The following SLC24A3 variants were observed in gnomAD, a reference collection of about 807,000 sequenced individuals.
SLC24A3 encodes the protein solute carrier family 24 member 3, also known as sodium/potassium/calcium exchanger 3.
In SLC24A3, 28 loss-of-function variants were observed where a neutral mutation model predicts 75.8. The observed-to-expected ratio is 0.37, with a 90% CI of 0.27 to 0.51. The LOEUF (loss-of-function observed/expected upper bound fraction) is 0.51. SLC24A3 is among the 20% of genes least tolerant of loss of function. The probability of loss-of-function intolerance (pLI) is 0.94; values close to 1 mark genes in which losing one functional copy is unlikely to be tolerated. For synonymous variants in SLC24A3, 372 were observed against 334.1 expected, an observed-to-expected ratio of 1.11 and a Z score of -1.24; for missense variants, 663 against 847.8, an observed-to-expected ratio of 0.78 and a Z score of 2.71.
At position 19,222,774 on chromosome 20, in the gene SLC24A3, C is replaced by CCCCT. The variant is rs1286175246; in HGVS notation, c.142+9799_142+9802dup. On this transcript the variant is annotated intron_variant, in intron 1 of 16. Coordinates refer to ENST00000328041, the MANE Select transcript of SLC24A3 (RefSeq NM_020689.4). ...TCCTTCTTCCTTCCCTCCTCCCCTT[C>CCCCT]CCCTCCCTCCCTTCCTTCCTTCCTT... Among the ~76,000 whole-genome samples the CCCCT allele has an allele frequency of 1.7e-3, 94 of 56,022 alleles. 3 individuals are homozygous for CCCCT. Among genetic ancestry groups the CCCCT allele is most frequent in the East Asian group, 2.1e-3 (2 of 938 alleles). The allele number at this position is 56,022 out of a possible 152,430, so 36.8% of individuals were successfully genotyped here. A position where few individuals can be genotyped will look rare whatever the true frequency, so the allele number is the denominator to read the frequency against.
intron 2 of SLC24A3, among the ~76,000 whole-genome samples, chr20:19,367,164 A>G (rs138133723): frequency 0.011 from 1,752 of 152,386 alleles, 35 homozygotes; most frequent in African/African-American, 0.04. Context: ...AAATGGCCAC[A>G]TGTAGCTAGT....
At chr20:19,631,715 C>T (rs971152937) in intron 6 of SLC24A3, among the ~76,000 whole-genome samples, 1 of 152,004 alleles carries the variant, frequency 6.6e-6, no homozygotes, top group African/African-American at 2.4e-5. Context: ...TTATCACTTT[C>T]TCTCCCTAGT....
intron 10 of SLC24A3, 32 bp from the exon 11 acceptor site, chr20:19,684,144 G>A (rs754151535): frequency 6.2e-7 from 1 of 1,600,840 alleles, no homozygotes; most frequent in Non-Finnish European, 8.5e-7. Flanking sequence ...TGGCCTCCAT[G>A]TTATTTTACC....
At chr20:19,379,267 G>A (rs1271502507) in intron 2 of SLC24A3, among the ~76,000 whole-genome samples, 1 of 152,106 alleles carries the variant, frequency 6.6e-6, no homozygotes, top group Non-Finnish European at 1.5e-5. Flanking sequence ...GGAGCTGGGG[G>A]CACCCTTTTG....
rs561446615 is a variant in SLC24A3 at position 19,388,124 on chromosome 20, A to G, written c.271+107037A>G. ...ATCTAATTACGCTGTTAGTTATTTT[A>G]AAATGTACAATTAAGTTATTATTGA... On this transcript the variant is annotated intron_variant, in intron 2 of 16. Coordinates refer to ENST00000328041, the MANE Select transcript of SLC24A3 (RefSeq NM_020689.4). Among the ~76,000 whole-genome samples the G allele has an allele frequency of 2.6e-5, 4 of 152,266 alleles. No individual in the cohort carries two copies. In the South Asian group the frequency reaches 8.3e-4, roughly 32 times the overall value.
At chr20:19,457,017 C>A (rs1256981327) in intron 2 of SLC24A3, among the ~76,000 whole-genome samples, 1 of 152,190 alleles carries the variant, frequency 6.6e-6, no homozygotes, top group Non-Finnish European at 1.5e-5. Flanking sequence ...GAGGCATGTG[C>A]CAGACATGGC....
chr20:19,309,396 A>C (rs1047205325), intron 2 of SLC24A3, among the ~76,000 whole-genome samples: 1 of 152,178 alleles, frequency 6.6e-6, no homozygotes, highest in South Asian at 2.1e-4. Flanking sequence ...GGTGGTTAGC[A>C]TGTTCTCTTG....
At chr20:19,459,958 G>T (rs918649217) in intron 2 of SLC24A3, among the ~76,000 whole-genome samples, 2 of 152,176 alleles carry the variant, frequency 1.3e-5, no homozygotes, top group Non-Finnish European at 2.9e-5. Flanking sequence ...GACACAGTAG[G>T]TCTGGAGCTA....
At chr20:19,275,015 C>A (rs1245720359) in intron 1 of SLC24A3, among the ~76,000 whole-genome samples, 1 of 152,236 alleles carries the variant, frequency 6.6e-6, no homozygotes, top group Non-Finnish European at 1.5e-5. Context: ...TTGCATTCGG[C>A]TTTACAAGAC....
At chr20:19,359,249 C>G (rs902666364) in intron 2 of SLC24A3, among the ~76,000 whole-genome samples, 2 of 151,946 alleles carry the variant, frequency 1.3e-5, no homozygotes, top group African/African-American at 4.8e-5. Flanking sequence ...AACTGTGTCC[C>G]CAATTAAAAA....
intron 2 of SLC24A3, among the ~76,000 whole-genome samples, chr20:19,441,686 C>T (rs1007246978): frequency 6.6e-6 from 1 of 152,086 alleles, no homozygotes; most frequent in Admixed American, 6.6e-5. Context: ...TTATTATTAA[C>T]TCAACTTTAT....
chr20:19,459,336 C>G (rs910263736), intron 2 of SLC24A3, among the ~76,000 whole-genome samples: 2 of 152,182 alleles, frequency 1.3e-5, no homozygotes. Flanking sequence ...CCTCTACCCC[C>G]CTTGCAATCT....
intron 6 of SLC24A3, among the ~76,000 whole-genome samples, chr20:19,614,687 C>T (rs183999408): frequency 2.4e-4 from 36 of 152,302 alleles, no homozygotes; most frequent in Admixed American, 2.4e-3. Flanking sequence ...AGAGTGCACT[C>T]GGTGACACTG....
chr20:19,550,209 T>A (rs1180383104), intron 3 of SLC24A3, among the ~76,000 whole-genome samples: 1 of 152,198 alleles, frequency 6.6e-6, no homozygotes, highest in East Asian at 1.9e-4. Context: ...AGCTCAAGAA[T>A]TACAGAAATT....
intron 6 of SLC24A3, among the ~76,000 whole-genome samples, chr20:19,615,450 C>G (rs955966050): frequency 3.9e-5 from 6 of 152,084 alleles, no homozygotes; most frequent in African/African-American, 1.4e-4. Context: ...TCTGGAGAGG[C>G]CTCAGGAAGC....
chr20:19,390,098 T>TG (rs1986340867), intron 2 of SLC24A3, among the ~76,000 whole-genome samples: 1 of 152,224 alleles, frequency 6.6e-6, no homozygotes, highest in Admixed American at 6.5e-5. Flanking sequence ...TTGTTGAACT[T>TG]ACCATTTTGG....
chr20:19,567,121 T>C (rs962384120), intron 3 of SLC24A3, among the ~76,000 whole-genome samples: 6 of 152,236 alleles, frequency 3.9e-5, no homozygotes, highest in African/African-American at 1.4e-4. Flanking sequence ...GAACTTAAAA[T>C]AGAACTTATC....
intron 2 of SLC24A3, among the ~76,000 whole-genome samples, chr20:19,374,723 G>A (rs1242368216): frequency 3.3e-5 from 5 of 152,184 alleles, no homozygotes; most frequent in South Asian, 2.1e-4. Flanking sequence ...TCACAGCTCT[G>A]ATCAGCAGCA....
chr20:19,608,277 T>C (rs1483470090), intron 6 of SLC24A3, among the ~76,000 whole-genome samples: 1 of 152,234 alleles, frequency 6.6e-6, no homozygotes, highest in Non-Finnish European at 1.5e-5. Flanking sequence ...TTGGTGATGA[T>C]GATATGGAGT....
Sources: allele counts gnomAD v4.1 joint callset (sites outside exome capture counted in the v4.1 genomes callset), GRCh38; gene constraint gnomAD v4.1.1; transcripts MANE v1.5; gene names NCBI Gene and HGNC (gene_info 2026-07-23, HGNC 2026-07-21).